Variants in SF3B2 observed in about 807,000 individuals in gnomAD.
SF3B2 encodes the protein splicing factor 3b subunit 2, also known as SAP 145.
Under a neutral mutation model 116.3 loss-of-function variants are expected in SF3B2, and 22 were observed. That is an observed-to-expected ratio of 0.19 (90% confidence interval 0.14 to 0.27). The LOEUF (loss-of-function observed/expected upper bound fraction) is 0.27. Ranked by LOEUF, SF3B2 falls within the 10% of genes least tolerant of loss-of-function variation. The pLI, the probability that SF3B2 is intolerant of heterozygous loss-of-function variation, is 1.00. For synonymous variants in SF3B2, 406 were observed against 421.6 expected (o/e 0.96, Z 0.45); for missense variants, 767 against 1,151.4 (o/e 0.67, Z 4.83).
Position 66,059,215 on chromosome 11 carries a change from G to A in SF3B2, c.1197G>A (p.Val399=). 1.2e-6 allele frequency: 2 copies of A among 1,614,108 alleles called. No individual in the cohort carries two copies. Among genetic ancestry groups the A allele is most frequent in the Non-Finnish European group, 1.7e-6 (2 of 1,180,008 alleles). Residue 399 remains valine (V), a synonymous_variant, in exon 11 of 22, where the codon GTG becomes GTA. Transcript: ENST00000322535. This position sits in a 1 kb window ranked among gnomAD's most constrained non-coding sequence, Gnocchi z 5.0. ...IFEAFKLTDD[V]KKEKEKEPEK... The stretch of plus-strand genomic sequence containing the variant: ...TGCCTCCTTAGCTCACTGATGATGT[G>A]AAGAAGGAGAAAGAGAAGGAGCCAG...
rs201632534 is a variant in SF3B2 at position 66,061,873 on chromosome 11, G to C, written c.1870-18G>C. 1 of 1,609,782 alleles carries C rather than the reference G, an allele frequency of 6.2e-7. No homozygotes were observed. Among genetic ancestry groups the C allele is most frequent in the African/African-American group, 1.3e-5 (1 of 74,800 alleles). On this transcript the variant is annotated intron_variant, in intron 15 of 21. Transcript: ENST00000322535. ...GATAGGGTTTGGCAGATGGTATCCT[G>C]TTCTCTTTTTCCTGCAGAATGCCCA...
In SF3B2 at chr11:66,068,914, T is replaced by G. The variant is rs1264530818; in HGVS notation, c.*169T>G. 1.7e-6 allele frequency: 1 copy of G among 601,504 alleles called. No homozygotes were observed. The highest frequency in any genetic ancestry group is 3.0e-6 in the Non-Finnish European group (1 of 337,438). 37.3% of individuals were successfully genotyped at this position (601,504 alleles called of 1,614,324 possible). A position where few individuals can be genotyped will look rare whatever the true frequency, so the allele number is the denominator to read the frequency against. On this transcript the variant is annotated 3_prime_UTR_variant, in exon 22 of 22. Transcript: ENST00000322535. ...GAAAGAGATGAATATTTAACACTCC[T>G]GAGCCTCCCTCATCTCCTTTTAGCC...
intron 3 of SF3B2, among the ~76,000 whole-genome samples, chr11:66,054,169 G>A (rs1170317370): frequency 8.6e-6 from 1 of 116,304 alleles, no homozygotes; most frequent in African/African-American, 3.4e-5. Flanking sequence ...GCAATAGAGC[G>A]AGACTGTCTC....
intron 14 of SF3B2, among the ~76,000 whole-genome samples, chr11:66,061,188 C>G (rs895064085): frequency 6.6e-6 from 1 of 152,166 alleles, no homozygotes; most frequent in African/African-American, 2.4e-5. Context: ...AAATGAGGCT[C>G]TATTTGGAGG....
At chr11:66,067,834 C>T (rs1857214643) in intron 19 of SF3B2, 112 bp from the exon 20 acceptor site, 1 of 792,324 alleles carries the variant, frequency 1.3e-6, no homozygotes, top group Admixed American at 2.2e-5. Flanking sequence ...CCTTGGGGAG[C>T]TCAGAAGCTC....
chr11:66,063,786 G>A, intron 19 of SF3B2, 57 bp downstream of exon 19: 1 of 1,388,138 alleles, frequency 7.2e-7, no homozygotes, highest in Non-Finnish European at 9.8e-7. Flanking sequence ...TTGGCTGGCT[G>A]GCTGACTGTT....
At chr11:66,053,129 A>G (rs558166900) in intron 3 of SF3B2, 25 bp downstream of exon 3, 1 of 1,601,910 alleles carries the variant, frequency 6.2e-7, no homozygotes, top group East Asian at 2.2e-5. Context: ...CTGTTTTTTA[A>G]GATTCCATCT....
At chr11:66,052,837 C>A in intron 2 of SF3B2, 118 bp downstream of exon 2, 1 of 1,322,452 alleles carries the variant, frequency 7.6e-7, no homozygotes, top group Non-Finnish European at 1.0e-6. Context: ...CGGAGGCTTG[C>A]CCTTTTTAGC....
At chr11:66,057,964 C>T in intron 7 of SF3B2, 90 bp from the exon 8 acceptor site, 2 of 1,013,388 alleles carry the variant, frequency 2.0e-6, no homozygotes, top group Non-Finnish European at 2.8e-6. Flanking sequence ...AAGAGCAAAA[C>T]TCCGTCTCAA....
chr11:66,067,671 T>A (rs945512716), intron 19 of SF3B2: 1 of 497,190 alleles, frequency 2.0e-6, no homozygotes, highest in Non-Finnish European at 3.8e-6. Context: ...TCTCTGACCT[T>A]TTGACCCTTA....
chr11:66,059,151 AC>A lies in SF3B2; in HGVS notation c.1183-49del, dbSNP rs755810611. Reference sequence around the variant, plus strand: ...GCATCTTTTAGTGCTGGCCTTAGGAACTGGGAAGGGGCTCAGAGGGCAGGGG... The same window carrying A: ...GCATCTTTTAGTGCTGGCCTTAGGAATGGGAAGGGGCTCAGAGGGCAGGGG... On this transcript the variant is annotated intron_variant, in intron 10 of 21. Transcript: ENST00000322535. This position sits in a 1 kb window ranked among gnomAD's most constrained non-coding sequence, Gnocchi z 5.0. 1 of 1,612,818 alleles carries A rather than the reference AC, an allele frequency of 6.2e-7. No homozygotes were observed. The highest frequency in any genetic ancestry group is 8.5e-7 in the Non-Finnish European group (1 of 1,179,460).
rs1857014824 is a variant in SF3B2, at chr11:66,057,262, T to C, written c.668-4T>C. ...ACATTGGATTTCTTTTTCCCGTCTC[T>C]TAGTAGCTGCTCCAGTGGGCCCAGT... is the stretch of plus-strand genomic sequence containing the variant. On this transcript the variant is annotated splice_polypyrimidine_tract_variant and splice_region_variant and intron_variant, in intron 6 of 21. Transcript: ENST00000322535. 6.4e-7 allele frequency: 1 copy of C among 1,563,200 alleles called. No homozygotes were observed. The highest frequency in any genetic ancestry group is 2.2e-5 in the East Asian group (1 of 44,656).
At chr11:66,068,076 G>A (rs1470768245) in intron 20 of SF3B2, 31 bp downstream of exon 20, 4 of 1,612,498 alleles carry the variant, frequency 2.5e-6, no homozygotes, top group Non-Finnish European at 3.4e-6. Flanking sequence ...GCTTTTGGAG[G>A]CTGAGAAAGG....
At chr11:66,052,847 C>T in intron 2 of SF3B2, 128 bp downstream of exon 2, 3 of 1,283,902 alleles carry the variant, frequency 2.3e-6, no homozygotes, top group East Asian at 2.3e-5. Context: ...CCCTTTTTAG[C>T]TTGTTCTTGC....
Position 66,055,545 on chromosome 11 carries a change from A to G in SF3B2, c.509A>G (p.His170Arg). The G allele has an allele frequency of 4.3e-6, 7 of 1,614,226 alleles. No homozygotes were observed. The highest frequency in any genetic ancestry group is 1.1e-5 in the South Asian group (1 of 91,082). ...QEERAKQQGDHSLKEHELLEQ... is the reference protein window; with the variant it reads ...QEERAKQQGDRSLKEHELLEQ... ...GTTTTCTTTTTTAAGCAGGGAGATCATTCGCTGAAGGAACATGAGCTCTTG... is the reference window on the plus strand; with the variant it reads ...GTTTTCTTTTTTAAGCAGGGAGATCGTTCGCTGAAGGAACATGAGCTCTTG... Residue 170 changes from histidine to arginine, a missense_variant, in exon 5 of 22, where the codon CAT becomes CGT. His to Arg is a conservative substitution (Grantham distance 29). Around this residue, in one of 4 missense-constraint regions of SF3B2, gnomAD observed 455 missense variants for 537.5 expected, o/e 0.85. Coordinates refer to ENST00000322535, the MANE Select transcript of SF3B2 (RefSeq NM_006842.3).
chr11:66,057,413 G>C (rs577815411), intron 7 of SF3B2, 38 bp downstream of exon 7: 1 of 988,810 alleles, frequency 1.0e-6, no homozygotes, highest in South Asian at 1.3e-5. Flanking sequence ...TAAGAGAGTG[G>C]TAGTTTAGGA....
chr11:66,061,985 C>T lies in SF3B2; in HGVS notation c.1964C>T (p.Ser655Leu). Residue 655 changes from serine to leucine, a missense_variant, in exon 16 of 22, where the codon TCG (serine) becomes TTG (leucine). By Grantham distance (145) the Ser-to-Leu change is moderately radical. This residue lies in a region of SF3B2 where 282 missense variants were observed against 568.0 expected (regional missense o/e 0.50). Coordinates refer to ENST00000322535, the MANE Select transcript of SF3B2 (RefSeq NM_006842.3). ...YPNLKIPGLN[S>L]PIPESCSFGY... Reference sequence around the variant, plus strand: ...AACCTGAAAATCCCTGGGCTGAACTCGCCCATCCCTGAGGTGAGCATTGTC... The same window carrying T: ...AACCTGAAAATCCCTGGGCTGAACTTGCCCATCCCTGAGGTGAGCATTGTC... 1.9e-6 allele frequency: 3 copies of T among 1,611,606 alleles called. No individual in the cohort carries two copies. Among genetic ancestry groups the T allele is most frequent in the Non-Finnish European group, 2.5e-6 (3 of 1,178,426 alleles).
At chr11:66,052,822 C>T (rs1336465961) in intron 2 of SF3B2, 103 bp downstream of exon 2, 2 of 1,376,526 alleles carry the variant, frequency 1.5e-6, no homozygotes, top group South Asian at 1.4e-5. Flanking sequence ...CTCGGCACAG[C>T]AAGGCGGAGG....
intron 3 of SF3B2, chr11:66,053,333 G>A (rs1476491296): frequency 7.2e-6 from 4 of 555,668 alleles, no homozygotes; most frequent in Non-Finnish European, 1.3e-5. Flanking sequence ...GAGCTCTTCA[G>A]TTCTCTCTTT....
Sources: gnomAD v4.1 joint callset for allele counts (sites outside exome capture counted in the v4.1 genomes callset) on GRCh38, gnomAD v4.1.1 for gene constraint, gnomAD v4.1.1 regional missense constraint, Gnocchi (gnomAD v3.1) non-coding constraint, MANE v1.5 for transcripts, NCBI Gene and HGNC (gene_info 2026-07-23, HGNC 2026-07-21) for gene names.